Variants in PARD3 observed in about 807,000 individuals in gnomAD.
The protein encoded by PARD3 is partitioning defective 3 homolog.
A neutral mutation model predicts 155.4 loss-of-function variants in PARD3; 75 were observed. The ratio of observed to expected loss-of-function variants is 0.48; its 90% CI spans 0.40 to 0.58. The LOEUF (loss-of-function observed/expected upper bound fraction) is 0.58. Ranked by LOEUF, PARD3 falls within the 20% of genes least tolerant of loss-of-function variation. The pLI, the probability that PARD3 is intolerant of heterozygous loss-of-function variation, is 0.00. For synonymous variants in PARD3, 576 were observed against 610.5 expected, an observed-to-expected ratio of 0.94 and a Z score of 0.83; for missense variants, 1,642 against 1,721.7, an observed-to-expected ratio of 0.95 and a Z score of 0.82.
rs184922007 is a variant in PARD3, at chr10:34,151,299, G to A, written c.3420-19716C>T. Among the ~76,000 whole-genome samples the A allele has an allele frequency of 2.8e-3, 428 of 152,230 alleles. 5 individuals are homozygous for A. The highest frequency in any genetic ancestry group is 9.7e-3 in the African/African-American group (403 of 41,536). ...GTAGTCTGATTAATGACAGTAAGGA[G>A]CCAAAGGACAGTAAACTTTTTGAAT... On this transcript the variant is annotated intron_variant, in intron 22 of 24. Coordinates refer to ENST00000374788, the MANE Select transcript of PARD3 (RefSeq NM_001184785.2).
chr10:34,701,711 G>A (rs182178327), intron 1 of PARD3, among the ~76,000 whole-genome samples: 8 of 152,178 alleles, frequency 5.3e-5, no homozygotes, highest in East Asian at 1.9e-4. Flanking sequence ...TCTGGGGAAC[G>A]TAGTGAGGCC....
chr10:34,154,193 G>A (rs1356870025), intron 22 of PARD3, among the ~76,000 whole-genome samples: 1 of 152,202 alleles, frequency 6.6e-6, no homozygotes, highest in Non-Finnish European at 1.5e-5. Flanking sequence ...CTGATGAACA[G>A]ACTTTGCTAC....
chr10:34,805,401 G>C (rs1843245590), intron 1 of PARD3, among the ~76,000 whole-genome samples: 1 of 151,938 alleles, frequency 6.6e-6, no homozygotes, highest in South Asian at 2.1e-4. Context: ...ATATACATCT[G>C]AGTTCCAAAA....
chr10:34,682,666 G>A (rs1039411495), intron 2 of PARD3, among the ~76,000 whole-genome samples: 1 of 152,134 alleles, frequency 6.6e-6, no homozygotes, highest in African/African-American at 2.4e-5. Context: ...AGGCTGCACT[G>A]AGCTAGGATC....
At chr10:34,375,999 A>G (rs1841194338) in intron 10 of PARD3, among the ~76,000 whole-genome samples, 1 of 152,150 alleles carries the variant, frequency 6.6e-6, no homozygotes, top group South Asian at 2.1e-4. Flanking sequence ...CCCCAAGGAC[A>G]AGCGGCCTTT....
At chr10:34,696,489 C>A in intron 1 of PARD3, 70 bp from the exon 2 acceptor site, 2 of 945,790 alleles carry the variant, frequency 2.1e-6, no homozygotes, top group Non-Finnish European at 3.4e-6. Flanking sequence ...ACATTTTAAA[C>A]CGTGATAACT....
chr10:34,220,766 G>T (rs542086563), intron 22 of PARD3, among the ~76,000 whole-genome samples: 50 of 152,272 alleles, frequency 3.3e-4, no homozygotes, highest in African/African-American at 1.1e-3. Context: ...TCACAGTGGG[G>T]ACTAATGTGC....
chr10:34,701,898 T>C (rs1321831352), intron 1 of PARD3, among the ~76,000 whole-genome samples: 1 of 152,068 alleles, frequency 6.6e-6, no homozygotes, highest in Non-Finnish European at 1.5e-5. Flanking sequence ...TGTGGTGGCT[T>C]ACGCCTGTAA....
At chr10:34,187,880 T>C (rs1950552575) in intron 22 of PARD3, among the ~76,000 whole-genome samples, 1 of 152,220 alleles carries the variant, frequency 6.6e-6, no homozygotes, top group South Asian at 2.1e-4. Context: ...AGATGAACGA[T>C]ATACTATCTC....
At chr10:34,638,270 T>A (rs1284109827) in intron 2 of PARD3, among the ~76,000 whole-genome samples, 1 of 152,144 alleles carries the variant, frequency 6.6e-6, no homozygotes, top group Non-Finnish European at 1.5e-5. Flanking sequence ...TTCTTCTTGG[T>A]TACACATCAA....
chr10:34,281,713 T>C (rs1487291326), intron 21 of PARD3, among the ~76,000 whole-genome samples: 1 of 152,208 alleles, frequency 6.6e-6, no homozygotes, highest in African/African-American at 2.4e-5. Context: ...ATTATATTCA[T>C]AGCCCTTTTA....
intron 2 of PARD3, among the ~76,000 whole-genome samples, chr10:34,548,137 G>A (rs2084250952): frequency 1.3e-5 from 2 of 152,108 alleles, no homozygotes; most frequent in South Asian, 4.1e-4. Flanking sequence ...TCACAGGCAG[G>A]CTCTTTCTCT....
chr10:34,812,613 G>A (rs1206418069), intron 1 of PARD3, among the ~76,000 whole-genome samples: 1 of 152,156 alleles, frequency 6.6e-6, no homozygotes, highest in Non-Finnish European at 1.5e-5. Context: ...CTCCAGCTCT[G>A]GCAACATTTA....
At chr10:34,295,488 C>T (rs768326650) in intron 20 of PARD3, among the ~76,000 whole-genome samples, 3 of 152,188 alleles carry the variant, frequency 2.0e-5, no homozygotes, top group Non-Finnish European at 4.4e-5. Flanking sequence ...GACAGGCTCA[C>T]TGGCCATCAC....
intron 1 of PARD3, among the ~76,000 whole-genome samples, chr10:34,800,131 T>A (rs1842718114): frequency 7.5e-6 from 1 of 132,500 alleles, no homozygotes; most frequent in African/African-American, 3.4e-5. Flanking sequence ...CCCTCAGTTG[T>A]GCAACTTCCC....
intron 22 of PARD3, among the ~76,000 whole-genome samples, chr10:34,248,859 A>G (rs1423447463): frequency 6.6e-6 from 1 of 152,256 alleles, no homozygotes; most frequent in African/African-American, 2.4e-5. Flanking sequence ...ACACACACAC[A>G]AAGTGTTAGA....
At chr10:34,781,933 T>C (rs1295203415) in intron 1 of PARD3, among the ~76,000 whole-genome samples, 2 of 152,228 alleles carry the variant, frequency 1.3e-5, no homozygotes, top group Non-Finnish European at 2.9e-5. Flanking sequence ...CAAACAGAAC[T>C]GTATAATTAA....
chr10:34,725,157 G>GTGTC (rs1322549973), intron 1 of PARD3, among the ~76,000 whole-genome samples: 5 of 52,748 alleles, frequency 9.5e-5, no homozygotes, highest in South Asian at 9.3e-4. Context: ...GTGTGACAGA[G>GTGTC]AGAGAGAGAG....
intron 5 of PARD3, among the ~76,000 whole-genome samples, chr10:34,428,646 T>C (rs1259235365): frequency 6.6e-6 from 1 of 152,214 alleles, no homozygotes; most frequent in Non-Finnish European, 1.5e-5. Context: ...ACAGCTGTGT[T>C]TTCTCTGGAG....
Sources: gnomAD v4.1 joint callset for allele counts (sites outside exome capture counted in the v4.1 genomes callset) on GRCh38, gnomAD v4.1.1 for gene constraint, MANE v1.5 for transcripts, NCBI Gene and HGNC (gene_info 2026-07-23, HGNC 2026-07-21) for gene names.